Variants in RARB observed in about 807,000 individuals in gnomAD.
The protein encoded by RARB is retinoic acid receptor beta.
Under a neutral mutation model 51.9 loss-of-function variants are expected in RARB, and 17 were observed. That is an observed-to-expected ratio of 0.33 (90% confidence interval 0.22 to 0.49). RARB has a LOEUF of 0.49. Ranked by LOEUF, RARB falls within the 20% of genes least tolerant of loss-of-function variation. The pLI is 0.99. For missense variants in RARB, 369 were observed against 550.8 expected (o/e 0.67, Z 3.30); for synonymous variants, 215 against 195.4 (o/e 1.10, Z -0.84).
intron 5 of RARB, among the ~76,000 whole-genome samples, chr3:25,412,824 AG>A (rs1186209201): frequency 6.6e-6 from 1 of 152,098 alleles, no homozygotes; most frequent in African/African-American, 2.4e-5. Flanking sequence ...GTTTGAGACC[AG>A]CCTGACCAAC....
chr3:24,866,764 A>T (rs1702856106), intron 2 of RARB, among the ~76,000 whole-genome samples: 2 of 152,164 alleles, frequency 1.3e-5, no homozygotes. Flanking sequence ...TTATCACATC[A>T]GGAGAATTGA....
At chr3:24,922,221 A>C (rs1005695790) in intron 2 of RARB, among the ~76,000 whole-genome samples, 1 of 152,198 alleles carries the variant, frequency 6.6e-6, no homozygotes, top group Non-Finnish European at 1.5e-5. Context: ...TAAACCTGTA[A>C]AATGGAGATA....
intron 5 of RARB, among the ~76,000 whole-genome samples, chr3:25,232,529 G>GT (rs1466541197): frequency 2.6e-5 from 4 of 151,860 alleles, no homozygotes; most frequent in South Asian, 2.1e-4. Context: ...TTTATTTAGG[G>GT]TTTTTTTATT....
At position 25,588,367 on chromosome 3, in the gene RARB, G is replaced by A. The variant is rs1205566214; in HGVS notation, c.787-5136G>A. The stretch of plus-strand genomic sequence containing the variant: ...ACTTCTGAGGAAGAGGTTTGATTAG[G>A]AGAAGTCAAAGGAGCCGGTAGGTGC... On this transcript the variant is annotated intron_variant, in intron 5 of 7. Transcript: ENST00000330688. 4.6e-5 allele frequency among the ~76,000 whole-genome samples: 7 copies of A among 152,182 alleles called. No homozygotes were observed. In the East Asian group the frequency reaches 1.3e-3, roughly 29 times the overall value.
intron 2 of RARB, among the ~76,000 whole-genome samples, chr3:24,864,671 T>C (rs1457664116): frequency 6.6e-6 from 1 of 152,210 alleles, no homozygotes; most frequent in East Asian, 1.9e-4. Flanking sequence ...AGGCTGCTAA[T>C]GTTTTGTAAG....
chr3:25,052,718 T>C (rs771493326), intron 2 of RARB, among the ~76,000 whole-genome samples: 1 of 152,130 alleles, frequency 6.6e-6, no homozygotes, highest in Admixed American at 6.6e-5. Context: ...TAGATTGCAA[T>C]TTAACAATCA....
intron 5 of RARB, among the ~76,000 whole-genome samples, chr3:25,302,030 G>A (rs181825039): frequency 8.5e-5 from 13 of 152,268 alleles, no homozygotes; most frequent in Admixed American, 3.9e-4. Context: ...CTAAGTTCAC[G>A]TTAATGCCAA....
chr3:24,978,072 G>A (rs1696558200), intron 2 of RARB, among the ~76,000 whole-genome samples: 1 of 152,130 alleles, frequency 6.6e-6, no homozygotes, highest in Non-Finnish European at 1.5e-5. Flanking sequence ...TGCGTATGTT[G>A]AACCTGCCTT....
intron 2 of RARB, among the ~76,000 whole-genome samples, chr3:25,012,936 G>C (rs980963138): frequency 4.6e-5 from 7 of 152,106 alleles, no homozygotes; most frequent in Admixed American, 4.6e-4. Flanking sequence ...TTAAGACTCT[G>C]ATTAATAATA....
intron 5 of RARB, among the ~76,000 whole-genome samples, chr3:25,398,969 A>C (rs543683413): frequency 6.6e-5 from 10 of 152,216 alleles, no homozygotes; most frequent in Non-Finnish European, 1.3e-4. Flanking sequence ...AGGAATGTGA[A>C]GTTAATATCT....
chr3:25,161,496 A>G (rs1337046682), intron 4 of RARB, among the ~76,000 whole-genome samples: 1 of 151,998 alleles, frequency 6.6e-6, no homozygotes, highest in Non-Finnish European at 1.5e-5. Context: ...ACCTAACTCC[A>G]TGTCCTTTTA....
At chr3:24,871,224 C>T (rs571779117) in intron 2 of RARB, among the ~76,000 whole-genome samples, 1 of 152,208 alleles carries the variant, frequency 6.6e-6, no homozygotes, top group African/African-American at 2.4e-5. Flanking sequence ...TAAGGAAATT[C>T]ACTTCTATTC....
chr3:25,235,304 A>G (rs77740835), intron 5 of RARB, among the ~76,000 whole-genome samples: 2,397 of 152,312 alleles, frequency 0.016, 36 homozygotes, highest in Non-Finnish European at 0.022. Flanking sequence ...CATCTTGATC[A>G]GTACTGCAAG....
chr3:25,339,449 C>A (rs181031638), intron 5 of RARB, among the ~76,000 whole-genome samples: 1 of 152,286 alleles, frequency 6.6e-6, no homozygotes, highest in Non-Finnish European at 1.5e-5. Context: ...ACGTCACTTT[C>A]CTTTTTCTGT....
chr3:25,079,170 C>G (rs1698938326), intron 3 of RARB, among the ~76,000 whole-genome samples: 1 of 151,720 alleles, frequency 6.6e-6, no homozygotes, highest in African/African-American at 2.4e-5. Flanking sequence ...TGTATTTTAT[C>G]TTAATTTCTA....
intron 2 of RARB, among the ~76,000 whole-genome samples, chr3:24,977,313 T>C (rs1575101295): frequency 6.6e-6 from 1 of 152,338 alleles, no homozygotes; most frequent in East Asian, 1.9e-4. Context: ...CAGTGGTAGC[T>C]TGATGGGGAT....
At chr3:25,512,236 A>C (rs888455599) in intron 3 of RARB, among the ~76,000 whole-genome samples, 1 of 152,228 alleles carries the variant, frequency 6.6e-6, no homozygotes, top group African/African-American at 2.4e-5. Flanking sequence ...GTATTCATTC[A>C]TCAGCGGTCC....
chr3:25,438,412 CAAG>C (rs543011605), intron 1 of RARB, among the ~76,000 whole-genome samples: 210 of 152,264 alleles, frequency 1.4e-3, no homozygotes, highest in African/African-American at 4.9e-3. Context: ...TGCACTATAA[CAAG>C]AAAGAAAGTA....
chr3:25,237,198 C>T (rs939193020), intron 5 of RARB, among the ~76,000 whole-genome samples: 17 of 152,150 alleles, frequency 1.1e-4, no homozygotes, highest in South Asian at 4.2e-4. Context: ...ACTCATTATG[C>T]TTTAGCTAAT....
Sources: gnomAD v4.1 joint callset for allele counts (sites outside exome capture counted in the v4.1 genomes callset) on GRCh38, gnomAD v4.1.1 for gene constraint, MANE v1.5 for transcripts, NCBI Gene and HGNC (gene_info 2026-07-23, HGNC 2026-07-21) for gene names.